MICAL2: variants seen among roughly 807,000 people sequenced by gnomAD.
The protein encoded by MICAL2 is [F-actin]-monooxygenase MICAL2.
A neutral mutation model predicts 127.3 loss-of-function variants in MICAL2; 77 were observed. The ratio of observed to expected loss-of-function variants is 0.60; its 90% confidence interval spans 0.50 to 0.73. MICAL2 has a LOEUF of 0.73. MICAL2 is among the 30% of genes least tolerant of loss of function. The pLI, the probability that MICAL2 is intolerant of heterozygous loss-of-function variation, is 0.00. For missense variants in MICAL2, 1,351 were observed against 1,434.4 expected, an observed-to-expected ratio of 0.94 and a Z score of 0.94; for synonymous variants, 570 against 551.1, an observed-to-expected ratio of 1.03 and a Z score of -0.48.
At chr11:12,303,009 A>G (rs1864066114) in intron 29 of MICAL2, among the ~76,000 whole-genome samples, 1 of 152,166 alleles carries the variant, frequency 6.6e-6, no homozygotes, top group African/African-American at 2.4e-5. Flanking sequence ...GCACCTCTTC[A>G]CAGGGCAGCA....
At chr11:12,208,638 T>A (rs1258247392) in intron 5 of MICAL2, among the ~76,000 whole-genome samples, 1 of 152,272 alleles carries the variant, frequency 6.6e-6, no homozygotes, top group Non-Finnish European at 1.5e-5. Context: ...TAAACTATGA[T>A]ATTTGCCCGT....
At chr11:12,148,159 C>T (rs774576706) in intron 2 of MICAL2, among the ~76,000 whole-genome samples, 9 of 152,196 alleles carry the variant, frequency 5.9e-5, no homozygotes, top group Non-Finnish European at 1.0e-4. Context: ...GCAGCTCTTA[C>T]CAATAACTGT....
chr11:12,227,346 A>G lies in MICAL2; in HGVS notation c.1995+215A>G, dbSNP rs1217668241. ...GTTTCAATGACTTCAAAGTGGTTAT[A>G]GGAAGGACATGGTAGCGAGCTGATA... On this transcript the variant is annotated intron_variant, in intron 15 of 27. Coordinates refer to ENST00000683283, the MANE Select transcript of MICAL2 (RefSeq NM_001282663.2). 2.0e-5 allele frequency among the ~76,000 whole-genome samples: 3 copies of G among 152,190 alleles called. No individual in the cohort carries two copies. The East Asian group carries it at 5.8e-4, about 29-fold the overall frequency.
At chr11:12,196,664 T>C (rs897922053) in intron 3 of MICAL2, among the ~76,000 whole-genome samples, 3 of 152,158 alleles carry the variant, frequency 2.0e-5, no homozygotes, top group African/African-American at 7.2e-5. Flanking sequence ...CTTACCATCT[T>C]TGTTATTGCT....
chr11:12,346,804 G>C (rs1052628705), intron 32 of MICAL2, among the ~76,000 whole-genome samples: 7 of 152,216 alleles, frequency 4.6e-5, no homozygotes, highest in African/African-American at 1.7e-4. Flanking sequence ...ATGCATAGAA[G>C]ATGTTGGCCC....
At chr11:12,257,858 G>A (rs909370552) in intron 24 of MICAL2, among the ~76,000 whole-genome samples, 61 of 152,312 alleles carry the variant, frequency 4.0e-4, no homozygotes, top group African/African-American at 1.3e-3. Flanking sequence ...GGCGCACAGT[G>A]GTCCTGGGCA....
chr11:12,336,004 C>A (rs1330648509), intron 32 of MICAL2, among the ~76,000 whole-genome samples: 3 of 152,140 alleles, frequency 2.0e-5, no homozygotes, highest in Non-Finnish European at 4.4e-5. Context: ...TCATTGGTAG[C>A]TTGATGGGGA....
intron 13 of MICAL2, chr11:12,225,866 G>C: frequency 2.8e-6 from 1 of 361,578 alleles, no homozygotes; most frequent in South Asian, 3.8e-5. Flanking sequence ...AAGAAAAAAA[G>C]TAAGGGATAT....
downstream of MICAL2, chr11:12,294,906 A>G: frequency 7.1e-7 from 1 of 1,414,420 alleles, no homozygotes; most frequent in Non-Finnish European, 9.2e-7. Flanking sequence ...CTGGGCAGTT[A>G]GTAATCTTCA....
intron 3 of MICAL2, among the ~76,000 whole-genome samples, chr11:12,194,526 C>T (rs1859631122): frequency 6.6e-6 from 1 of 152,200 alleles, no homozygotes; most frequent in South Asian, 2.1e-4. Flanking sequence ...TTTAGCTCTG[C>T]CTTTTTCCCC....
intron 29 of MICAL2, among the ~76,000 whole-genome samples, chr11:12,314,740 C>T (rs1864215155): frequency 6.6e-6 from 1 of 151,408 alleles, no homozygotes; most frequent in African/African-American, 2.4e-5. Flanking sequence ...CCTGCCTCGG[C>T]CTCCCAAAGT....
At chr11:12,287,733 G>A (rs541377142), downstream of MICAL2, among the ~76,000 whole-genome samples, 4 of 152,278 alleles carry the variant, frequency 2.6e-5, no homozygotes, top group African/African-American at 9.6e-5. Context: ...GTGCTGAGGC[G>A]GCAGGCCCTG....
intron 21 of MICAL2, among the ~76,000 whole-genome samples, chr11:12,248,823 T>C (rs2134561183): frequency 6.6e-6 from 1 of 152,352 alleles, no homozygotes; most frequent in South Asian, 2.1e-4. Flanking sequence ...CCTTCTATCC[T>C]GGGAATAGAG....
chr11:12,345,438 C>A (rs1938938710), intron 32 of MICAL2, among the ~76,000 whole-genome samples: 3 of 152,168 alleles, frequency 2.0e-5, no homozygotes, highest in Admixed American at 2.0e-4. Flanking sequence ...TAATGATGTG[C>A]CAGATGGCTG....
rs1230713910 is a variant in MICAL2 at position 12,170,435 on chromosome 11, C to A, written c.264+8016C>A. 2.0e-5 allele frequency among the ~76,000 whole-genome samples: 3 copies of A among 152,162 alleles called. No individual in the cohort carries two copies. In the South Asian group the frequency reaches 6.2e-4, roughly 32 times the overall value. On this transcript the variant is annotated intron_variant, in intron 3 of 27. Coordinates refer to ENST00000683283, the MANE Select transcript of MICAL2 (RefSeq NM_001282663.2). ...ACAGCACTCCAGCCTGGGTGAAGAGCAAGACCCCATCTCAAAAAAATAAAA... is the reference window on the plus strand; with the variant it reads ...ACAGCACTCCAGCCTGGGTGAAGAGAAAGACCCCATCTCAAAAAAATAAAA...
intron 1 of MICAL2, among the ~76,000 whole-genome samples, chr11:12,119,690 T>G (rs1417065658): frequency 6.6e-6 from 1 of 152,176 alleles, no homozygotes; most frequent in Non-Finnish European, 1.5e-5. Context: ...TCCCTTTCCC[T>G]TTGGACTCAG....
chr11:12,182,304 A>G (rs1244375377), intron 3 of MICAL2, among the ~76,000 whole-genome samples: 1 of 152,152 alleles, frequency 6.6e-6, no homozygotes, highest in Admixed American at 6.5e-5. Flanking sequence ...GTCAGGAGCC[A>G]TGTGGGGCCT....
chr11:12,258,561 G>C lies in MICAL2; in HGVS notation c.3231+5G>C. 1 of 1,612,280 alleles carries C rather than the reference G, an allele frequency of 6.2e-7. No individual in the cohort carries two copies. Among genetic ancestry groups the C allele is most frequent in the Non-Finnish European group, 8.5e-7 (1 of 1,178,860 alleles). On this transcript the variant is annotated splice_donor_5th_base_variant and intron_variant, in intron 25 of 27. Coordinates refer to ENST00000683283, the MANE Select transcript of MICAL2 (RefSeq NM_001282663.2). ...GAGTTGAAGCAACAAAGAGAGGTAT[G>C]TTTGTCTCAAACATGCTGGTGAAAC...
chr11:12,241,002 C>T (rs774473979), intron 17 of MICAL2, 38 bp from the exon 18 acceptor site: 4 of 1,609,536 alleles, frequency 2.5e-6, no homozygotes, highest in Non-Finnish European at 3.4e-6. Flanking sequence ...TTCATGTCTC[C>T]TGTGGCTGCT....
Sources: gnomAD v4.1 joint callset for allele counts (sites outside exome capture counted in the v4.1 genomes callset) on GRCh38, gnomAD v4.1.1 for gene constraint, MANE v1.5 for transcripts, NCBI Gene and HGNC (gene_info 2026-07-23, HGNC 2026-07-21) for gene names.